The following MKRN1 variants were observed in gnomAD, a reference collection of about 807,000 sequenced individuals.
The protein encoded by MKRN1 is makorin ring finger protein 1, also known as E3 ubiquitin-protein ligase makorin-1.
MKRN1 carries 9 observed loss-of-function variants against 55.5 expected under a neutral mutation model. That is an observed-to-expected ratio of 0.16 (90% confidence interval 0.10 to 0.28). The LOEUF (loss-of-function observed/expected upper bound fraction) is 0.28. Among genes scored for constraint, MKRN1 ranks in the 10% least tolerant of loss-of-function variants. The pLI is 1.00. For synonymous variants in MKRN1, 253 were observed against 235.9 expected, an observed-to-expected ratio of 1.07 and a Z score of -0.66; for missense variants, 488 against 626.7, an observed-to-expected ratio of 0.78 and a Z score of 2.36.
In MKRN1 at chr7:140,479,255, CG is replaced by C; in HGVS notation, c.89del (p.Pro30ArgfsTer59). On this transcript the variant is annotated frameshift_variant, in exon 1 of 8. Transcript: ENST00000255977. LOFTEE classifies it high-confidence loss of function. The part of the protein sequence containing the change: ...AATAAAASPT[P>X]IPTVTAPSLG... ...GGGACGGGGCGGTGACTGTGGGGATCGGGGTGGGGGAGGCTGCTGCCGCCGT... is the reference window on the plus strand; with the variant it reads ...GGGACGGGGCGGTGACTGTGGGGATCGGGTGGGGGAGGCTGCTGCCGCCGT... 1 of 1,419,112 alleles carries C rather than the reference CG, an allele frequency of 7.0e-7. No individual in the cohort carries two copies. The highest frequency in any genetic ancestry group is 3.0e-5 in the East Asian group (1 of 33,086). 87.9% of individuals were successfully genotyped at this position (1,419,112 alleles called of 1,614,324 possible). A position where few individuals can be genotyped will look rare whatever the true frequency, so the allele number is the denominator to read the frequency against.
At chr7:140,474,452 G>A (rs779672763) in intron 1 of MKRN1, 7 of 350,656 alleles carry the variant, frequency 2.0e-5, no homozygotes, top group South Asian at 8.2e-5. Flanking sequence ...GGGGCCCAGA[G>A]GTTGCAGTGA....
intron 1 of MKRN1, chr7:140,478,031 ACCTTCGAAGG>A (rs1460476217): frequency 6.6e-6 from 1 of 152,214 alleles, no homozygotes; most frequent in African/African-American, 2.4e-5. Context: ...AGGCTGAGAG[ACCTTCGAAGG>A]TCGCCAGGAT....
intron 5 of MKRN1, chr7:140,456,414 C>A: frequency 7.4e-7 from 1 of 1,358,738 alleles, no homozygotes; most frequent in South Asian, 1.6e-5. Context: ...ACAATCTCCT[C>A]AGAAAAAGCA....
chr7:140,475,777 T>C (rs917972364), intron 1 of MKRN1, among the ~76,000 whole-genome samples: 2 of 152,248 alleles, frequency 1.3e-5, no homozygotes, highest in Non-Finnish European at 2.9e-5. Flanking sequence ...TTATCTGCCA[T>C]TATAGAAGCA....
chr7:140,458,966 T>C, intron 4 of MKRN1, 41 bp downstream of exon 4: 1 of 1,587,914 alleles, frequency 6.3e-7, no homozygotes, highest in Non-Finnish European at 8.6e-7. Context: ...CAAATAATGA[T>C]TCTCACATCT....
At chr7:140,468,389 T>C (rs1794830028) in intron 2 of MKRN1, among the ~76,000 whole-genome samples, 1 of 151,924 alleles carries the variant, frequency 6.6e-6, no homozygotes, top group Admixed American at 6.6e-5. Flanking sequence ...CCTTTTATAT[T>C]GGGACTGCAA....
chr7:140,454,401 G>C lies in MKRN1; in HGVS notation c.*116C>G. The C allele has an allele frequency of 2.1e-6, 2 of 975,394 alleles. No homozygotes were observed. The highest frequency in any genetic ancestry group is 3.1e-6 in the Non-Finnish European group (2 of 636,328). 60.4% of individuals were successfully genotyped at this position (975,394 alleles called of 1,614,324 possible). ...ACAGGCCCTGGGTAAAAATTCTTAG[G>C]ACAGCACCTGGAGTTGAGAGGCCTG... On this transcript the variant is annotated 3_prime_UTR_variant, in exon 8 of 8. Transcript: ENST00000255977.
At chr7:140,468,917 CT>C (rs34594147) in intron 2 of MKRN1, among the ~76,000 whole-genome samples, 40,776 of 151,892 alleles carry the variant, frequency 0.27, 9,331 homozygotes, top group African/African-American at 0.63. Context: ...TTACTGGACT[CT>C]TAATAAACAG....
At position 140,479,440 on chromosome 7, in the gene MKRN1, A is replaced by G. The variant is rs1585507616; in HGVS notation, c.-96T>C. The G allele has an allele frequency of 8.3e-7, 1 of 1,209,784 alleles. No homozygotes were observed. The highest frequency in any genetic ancestry group is 1.0e-6 in the Non-Finnish European group (1 of 960,274). 74.9% of individuals were successfully genotyped at this position (1,209,784 alleles called of 1,614,324 possible). A position where few individuals can be genotyped will look rare whatever the true frequency, so the allele number is the denominator to read the frequency against. On this transcript the variant is annotated 5_prime_UTR_variant, in exon 1 of 8. Coordinates refer to ENST00000255977, the MANE Select transcript of MKRN1 (RefSeq NM_013446.4). ...GAGGACGGCGAGGCCAGGCGAGGGG[A>G]GGGGAAGGACACTGAGGCACCCGTT... is the stretch of plus-strand genomic sequence containing the variant.
In MKRN1 at chr7:140,459,235, T is replaced by C. The variant is rs761808359; in HGVS notation, c.545-2A>G. On this transcript the variant is annotated splice_acceptor_variant, in intron 3 of 7. Transcript: ENST00000255977. LOFTEE classifies it high-confidence loss of function. ...GTGCTTCAGTGCAGGAAGGCGCAGCTGAAAATGTGTAAGAGGGTGGTAAAG... is the reference window on the plus strand; with the variant it reads ...GTGCTTCAGTGCAGGAAGGCGCAGCCGAAAATGTGTAAGAGGGTGGTAAAG... 11 of 1,613,804 alleles carry C rather than the reference T, an allele frequency of 6.8e-6. No individual in the cohort carries two copies. Among genetic ancestry groups the C allele is most frequent in the Non-Finnish European group, 9.3e-6 (11 of 1,179,814 alleles).
rs1461321105 is a variant in MKRN1, at chr7:140,459,327, C to T, written c.545-94G>A. The T allele has an allele frequency of 3.9e-6, 5 of 1,277,798 alleles. No individual in the cohort carries two copies. In the African/African-American group the frequency reaches 5.9e-5, roughly 15 times the overall value. The allele number at this position is 1,277,798 out of a possible 1,614,324, so 79.2% of individuals were successfully genotyped here. A position where few individuals can be genotyped will look rare whatever the true frequency, so the allele number is the denominator to read the frequency against. ...CTAACCGCAAAAAATGAAAATAAAA[C>T]TGCAATGAAATACCAAAACAGTCTA... On this transcript the variant is annotated intron_variant, in intron 3 of 7. Transcript: ENST00000255977.
chr7:140,456,045 ACACAACTGAC>A, intron 5 of MKRN1, 145 bp from the exon 6 acceptor site: 1 of 966,026 alleles, frequency 1.0e-6, no homozygotes, highest in Non-Finnish European at 1.5e-6. Flanking sequence ...ACATACTGTC[ACACAACTGAC>A]CATTTCTTTC....
chr7:140,479,559 C>A (rs1795232174), upstream of MKRN1: 1 of 437,122 alleles, frequency 2.3e-6, no homozygotes, highest in Non-Finnish European at 3.8e-6. Context: ...CCCACGGCGC[C>A]GCTCATTGGT....
intron 2 of MKRN1, among the ~76,000 whole-genome samples, chr7:140,460,510 AG>A (rs1794590790): frequency 6.6e-6 from 1 of 151,858 alleles, no homozygotes; most frequent in Non-Finnish European, 1.5e-5. Flanking sequence ...CCGTTTGGCC[AG>A]GCTGATCTCG....
At chr7:140,470,992 A>T (rs28699169) in intron 2 of MKRN1, among the ~76,000 whole-genome samples, 40,771 of 151,694 alleles carry the variant, frequency 0.27, 9,238 homozygotes, top group African/African-American at 0.63. Flanking sequence ...CTGCCATCTC[A>T]TAAGTGTCTC....
chr7:140,469,599 T>C (rs7777404), intron 2 of MKRN1, among the ~76,000 whole-genome samples: 40,933 of 151,926 alleles, frequency 0.27, 9,374 homozygotes, highest in African/African-American at 0.63. Flanking sequence ...GCTGCAAGGA[T>C]ACTAAAGTAT....
intron 2 of MKRN1, among the ~76,000 whole-genome samples, chr7:140,460,930 A>G (rs1421271003): frequency 6.6e-6 from 1 of 152,260 alleles, no homozygotes; most frequent in East Asian, 1.9e-4. Flanking sequence ...TGATTTATGA[A>G]AACGGCCTTT....
chr7:140,456,213 T>C (rs1794462476), intron 5 of MKRN1: 13 of 1,161,202 alleles, frequency 1.1e-5, no homozygotes, highest in Non-Finnish European at 1.4e-5. Flanking sequence ...TAAATTTATT[T>C]CTTGTAGCTT....
At chr7:140,467,935 G>A (rs1794818601) in intron 2 of MKRN1, among the ~76,000 whole-genome samples, 1 of 149,946 alleles carries the variant, frequency 6.7e-6, no homozygotes, top group African/African-American at 2.5e-5. Flanking sequence ...CCGGGAGGTG[G>A]AGGTTGCGGT....
Sources: allele counts gnomAD v4.1 joint callset (sites outside exome capture counted in the v4.1 genomes callset), GRCh38; gene constraint gnomAD v4.1.1; transcripts MANE v1.5; gene names NCBI Gene and HGNC (gene_info 2026-07-23, HGNC 2026-07-21).